Variants in GREB1 observed in about 807,000 individuals in gnomAD.
GREB1 encodes the protein growth regulating estrogen receptor binding 1, also known as protein GREB1.
GREB1 carries 106 observed loss-of-function variants against 200.7 expected under a neutral mutation model. The observed-to-expected ratio is 0.53, with a 90% CI of 0.45 to 0.62. The LOEUF (loss-of-function observed/expected upper bound fraction) is 0.62, where lower values mean the gene tolerates loss of function less well. Among genes scored for constraint, GREB1 ranks in the 20% least tolerant of loss-of-function variants. The pLI, the probability that GREB1 is intolerant of heterozygous loss-of-function variation, is 0.00. For missense variants in GREB1, 2,243 were observed against 2,556.8 expected (o/e 0.88, Z 2.65); for synonymous variants, 1,132 against 1,092.4 (o/e 1.04, Z -0.72).
At chr2:11,582,173 C>T (rs992074255) in intron 7 of GREB1, among the ~76,000 whole-genome samples, 1 of 152,220 alleles carries the variant, frequency 6.6e-6, no homozygotes, top group Non-Finnish European at 1.5e-5. Flanking sequence ...TGTGGACCCC[C>T]AGCCTCCACC....
chr2:11,554,951 A>G (rs1363687685), intron 1 of GREB1, among the ~76,000 whole-genome samples: 1 of 152,152 alleles, frequency 6.6e-6, no homozygotes, highest in Non-Finnish European at 1.5e-5. Context: ...TTAAACACAC[A>G]CTCCTGTATA....
chr2:11,620,118 A>C (rs1325602702), intron 22 of GREB1, among the ~76,000 whole-genome samples: 1 of 152,224 alleles, frequency 6.6e-6, no homozygotes, highest in African/African-American at 2.4e-5. Context: ...CTGGGACTAC[A>C]GGCAGATGCT....
rs1394103206 is a variant in GREB1 at position 11,534,094 on chromosome 2, C to T, written c.-322C>T. On this transcript the variant is annotated 5_prime_UTR_variant, in exon 1 of 33. Transcript: ENST00000381486. ...ATACTGCAGTAGAGATGGGATTTTA[C>T]CTCAAAGTGCAAAGGTAAATGAAAT... 1 of 152,140 alleles carries T rather than the reference C, an allele frequency of 6.6e-6. No homozygotes were observed. The highest frequency in any genetic ancestry group is 1.9e-4 in the East Asian group (1 of 5,202). The allele number at this position is 152,140 out of a possible 1,614,324, so 9.4% of individuals were successfully genotyped here.
chr2:11,565,593 T>C (rs1314902164), intron 3 of GREB1, among the ~76,000 whole-genome samples: 1 of 152,214 alleles, frequency 6.6e-6, no homozygotes, highest in Non-Finnish European at 1.5e-5. Flanking sequence ...CTCAGCTGGC[T>C]CTCTATTTTA....
In GREB1 at chr2:11,638,128, T is replaced by TTTTG. The variant is rs376136406; in HGVS notation, c.5547+236_5547+239dup. The stretch of plus-strand genomic sequence containing the variant: ...GCCAGCCCAATTCTGATGCCCAAAC[T>TTTTG]TTTGTTTGTTTGTTTGTTTGTTTGT... On this transcript the variant is annotated intron_variant, in intron 31 of 32. Coordinates refer to ENST00000381486, the MANE Select transcript of GREB1 (RefSeq NM_014668.4). Among the ~76,000 whole-genome samples the TTTTG allele has an allele frequency of 8.7e-4, 133 of 152,242 alleles. No homozygotes were observed. The Middle Eastern group carries it at 0.028, about 32-fold the overall frequency.
intron 12 of GREB1, 63 bp downstream of exon 12, chr2:11,595,442 G>A: frequency 6.5e-7 from 1 of 1,550,192 alleles, no homozygotes; most frequent in Non-Finnish European, 8.8e-7. Flanking sequence ...AGTGCCGGGG[G>A]AGGTCATCTC....
intron 1 of GREB1, among the ~76,000 whole-genome samples, chr2:11,516,000 T>A (rs1673486037): frequency 6.6e-6 from 1 of 152,196 alleles, no homozygotes; most frequent in Non-Finnish European, 1.5e-5. Flanking sequence ...AGTGGCTTAT[T>A]TTCAAACTGA....
At chr2:11,552,364 G>C (rs1269896208) in intron 1 of GREB1, among the ~76,000 whole-genome samples, 2 of 152,290 alleles carry the variant, frequency 1.3e-5, no homozygotes, top group Middle Eastern at 6.8e-3. Flanking sequence ...AAGAGACCAC[G>C]GACAGAGAAC....
intron 1 of GREB1, among the ~76,000 whole-genome samples, chr2:11,520,415 C>T (rs1572582542): frequency 6.6e-6 from 1 of 152,154 alleles, no homozygotes; most frequent in South Asian, 2.1e-4. Flanking sequence ...TTTCCTGTGG[C>T]TCCAGGAGGA....
At chr2:11,626,514 C>T (rs55960461) in intron 24 of GREB1, among the ~76,000 whole-genome samples, 30,653 of 152,022 alleles carry the variant, frequency 0.2, 3,425 homozygotes, top group Non-Finnish European at 0.26. Flanking sequence ...CTTGAACCTG[C>T]GAGGCGGAGG....
At chr2:11,500,377 T>G (rs1305085040) in intron 1 of GREB1, among the ~76,000 whole-genome samples, 5 of 152,200 alleles carry the variant, frequency 3.3e-5, no homozygotes, top group African/African-American at 1.2e-4. Flanking sequence ...GGCCAGGCTA[T>G]TGAACTCCTG....
chr2:11,523,115 A>G (rs990709325), intron 1 of GREB1, among the ~76,000 whole-genome samples: 5 of 152,204 alleles, frequency 3.3e-5, no homozygotes, highest in African/African-American at 1.2e-4. Flanking sequence ...TCCTTAGCAG[A>G]CTAACACAGG....
chr2:11,580,543 C>T lies in GREB1; in HGVS notation c.773-161C>T, dbSNP rs569506287. On this transcript the variant is annotated intron_variant, in intron 6 of 32. Coordinates refer to ENST00000381486, the MANE Select transcript of GREB1 (RefSeq NM_014668.4). The surrounding 1 kb of genome is among the most constrained non-coding windows in gnomAD (Gnocchi z 4.5). Reference sequence around the variant, plus strand: ...GTATGCATGTGTCTGCATGTATCTTCTCAGTGTAGCAGAATCACTGTTGGG... The same window carrying T: ...GTATGCATGTGTCTGCATGTATCTTTTCAGTGTAGCAGAATCACTGTTGGG... 5.3e-5 allele frequency among the ~76,000 whole-genome samples: 8 copies of T among 152,264 alleles called. No individual in the cohort carries two copies. Among genetic ancestry groups the T allele is most frequent in the African/African-American group, 1.7e-4 (7 of 41,550 alleles).
At chr2:11,618,261 T>C (rs780826499) in intron 21 of GREB1, 27 bp from the exon 22 acceptor site, 1 of 1,166,220 alleles carries the variant, frequency 8.6e-7, no homozygotes, top group South Asian at 1.5e-5. Flanking sequence ...TTCTAGGACG[T>C]CCCTGACCAT....
rs1679354571 is a variant in GREB1, at chr2:11,580,483, T to A, written c.773-221T>A. ...GTATCCTTGTGTGTAGGCAGAAGTG[T>A]GTATGTGTGTACACGTGCATGGGGG... On this transcript the variant is annotated intron_variant, in intron 6 of 32. Coordinates refer to ENST00000381486, the MANE Select transcript of GREB1 (RefSeq NM_014668.4). The surrounding 1 kb of genome is among the most constrained non-coding windows in gnomAD (Gnocchi z 4.5). Among the ~76,000 whole-genome samples the A allele has an allele frequency of 6.6e-6, 1 of 152,108 alleles. No homozygotes were observed. Among genetic ancestry groups the A allele is most frequent in the African/African-American group, 2.4e-5 (1 of 41,406 alleles).
upstream of GREB1, among the ~76,000 whole-genome samples, chr2:11,533,561 T>G (rs1354133826): frequency 6.6e-6 from 1 of 152,142 alleles, no homozygotes; most frequent in African/African-American, 2.4e-5. Context: ...GAACAACAAT[T>G]TCATTATTTA....
intron 1 of GREB1, among the ~76,000 whole-genome samples, chr2:11,509,298 A>AT (rs1673283903): frequency 6.6e-6 from 1 of 152,134 alleles, no homozygotes; most frequent in Non-Finnish European, 1.5e-5. Context: ...AAAAAGGAAT[A>AT]TTTTTATGAG....
Position 11,598,731 on chromosome 2 carries a change from T to C in GREB1, c.2204T>C (p.Val735Ala), listed in dbSNP as rs958489916. The C allele has an allele frequency of 1.2e-6, 2 of 1,614,184 alleles. No individual in the cohort carries two copies. The highest frequency in any genetic ancestry group is 1.7e-6 in the Non-Finnish European group (2 of 1,180,028). ...AAAGAGCACATGACGAAGCAGAGGG[T>C]GGAACAGTATGTTCTGAAGCTAGAC... ...LKKEHMTKQR[V>A]EQYVLKLDTE... The change falls in exon 15 of 33, where the codon GTG becomes GCG. Residue 735 changes from valine (V) to alanine (A), a missense_variant. Coordinates refer to ENST00000381486, the MANE Select transcript of GREB1 (RefSeq NM_014668.4).
upstream of GREB1, among the ~76,000 whole-genome samples, chr2:11,529,749 G>T (rs1674003318): frequency 1.3e-5 from 2 of 152,202 alleles, no homozygotes; most frequent in African/African-American, 4.8e-5. Flanking sequence ...ATACTATACA[G>T]CATTGAATGT....
Sources: allele counts gnomAD v4.1 joint callset (sites outside exome capture counted in the v4.1 genomes callset), GRCh38; gene constraint gnomAD v4.1.1; non-coding constraint Gnocchi (gnomAD v3.1); transcripts MANE v1.5; gene names NCBI Gene and HGNC (gene_info 2026-07-23, HGNC 2026-07-21).